CNTN4: variants seen among roughly 807,000 people sequenced by gnomAD.
The protein encoded by CNTN4 is contactin 4.
A neutral mutation model predicts 122.5 loss-of-function variants in CNTN4; 77 were observed. The ratio of observed to expected loss-of-function variants is 0.63; its 90% CI spans 0.52 to 0.76. The LOEUF is 0.76. Among genes scored for constraint, CNTN4 ranks in the 30% least tolerant of loss-of-function variants. The pLI, the probability that CNTN4 is intolerant of heterozygous loss-of-function variation, is 0.00. For missense variants in CNTN4, 1,256 were observed against 1,259.1 expected, an observed-to-expected ratio of 1.00 and a Z score of 0.04; for synonymous variants, 512 against 447.0, an observed-to-expected ratio of 1.15 and a Z score of -1.83.
chr3:2,298,045 A>G (rs1026235267), intron 2 of CNTN4, among the ~76,000 whole-genome samples: 3 of 152,166 alleles, frequency 2.0e-5, no homozygotes, highest in African/African-American at 7.2e-5. Flanking sequence ...TGTTATGTTA[A>G]GTGAAGAATA....
chr3:2,430,838 G>C lies in CNTN4; in HGVS notation c.-89+91605G>C, dbSNP rs535992752. 6.6e-5 allele frequency among the ~76,000 whole-genome samples: 10 copies of C among 152,224 alleles called. No homozygotes were observed. In the South Asian group the frequency reaches 1.2e-3, roughly 19 times the overall value. On this transcript the variant is annotated intron_variant, in intron 3 of 24. Transcript: ENST00000418658. ...TTTCATCACCCTGGGGCACAAGATA[G>C]CTCAAGAAGACAGATGTGCTCAAAT...
chr3:2,377,628 A>T (rs1163509256), intron 3 of CNTN4, among the ~76,000 whole-genome samples: 1 of 152,222 alleles, frequency 6.6e-6, no homozygotes, highest in Non-Finnish European at 1.5e-5. Context: ...AGTAAAACTG[A>T]AGATACCCGG....
chr3:2,504,655 T>C (rs2076685144), intron 3 of CNTN4, among the ~76,000 whole-genome samples: 1 of 152,042 alleles, frequency 6.6e-6, no homozygotes, highest in Non-Finnish European at 1.5e-5. Flanking sequence ...CCAAATATTA[T>C]TGACAAGTTA....
chr3:2,183,036 A>C (rs145272170), intron 2 of CNTN4, among the ~76,000 whole-genome samples: 128 of 152,128 alleles, frequency 8.4e-4, no homozygotes, highest in African/African-American at 2.8e-3. Flanking sequence ...ATCTTCTCTG[A>C]AGAAGATTCT....
intron 13 of CNTN4, among the ~76,000 whole-genome samples, chr3:2,980,247 C>A (rs1693835253): frequency 6.6e-6 from 1 of 152,188 alleles, no homozygotes; most frequent in Non-Finnish European, 1.5e-5. Context: ...AATTAGATGA[C>A]CTCTTTTCAT....
intron 4 of CNTN4, among the ~76,000 whole-genome samples, chr3:2,575,647 C>T (rs2079630277): frequency 1.3e-5 from 2 of 152,114 alleles, no homozygotes; most frequent in African/African-American, 4.8e-5. Flanking sequence ...TAAATCTGTG[C>T]TCAAATGTCA....
chr3:2,498,073 T>C (rs937868901), intron 3 of CNTN4, among the ~76,000 whole-genome samples: 3 of 152,210 alleles, frequency 2.0e-5, no homozygotes, highest in Admixed American at 2.0e-4. Flanking sequence ...TATATCATGA[T>C]ATAATATATG....
intron 2 of CNTN4, among the ~76,000 whole-genome samples, chr3:2,329,521 G>A (rs2043629604): frequency 7.0e-6 from 1 of 143,500 alleles, no homozygotes; most frequent in Admixed American, 7.3e-5. Context: ...ATATCCCTGT[G>A]TAATTAACCC....
intron 4 of CNTN4, among the ~76,000 whole-genome samples, chr3:2,649,830 C>A (rs1409171346): frequency 6.6e-6 from 1 of 151,734 alleles, no homozygotes; most frequent in Non-Finnish European, 1.5e-5. Flanking sequence ...ATCCCAGATG[C>A]CATTAAGAAA....
chr3:2,824,128 A>G (rs2092934712), intron 7 of CNTN4, among the ~76,000 whole-genome samples: 1 of 149,140 alleles, frequency 6.7e-6, no homozygotes, highest in Admixed American at 6.8e-5. Flanking sequence ...TTCCGATTCC[A>G]TAAATCTGGG....
At chr3:2,703,422 A>G (rs1355603202) in intron 4 of CNTN4, among the ~76,000 whole-genome samples, 2 of 152,196 alleles carry the variant, frequency 1.3e-5, no homozygotes, top group African/African-American at 4.8e-5. Flanking sequence ...TTTGATTTTT[A>G]TAAGACATGT....
intron 4 of CNTN4, among the ~76,000 whole-genome samples, chr3:2,577,404 G>A (rs1385499837): frequency 1.3e-5 from 2 of 152,188 alleles, no homozygotes; most frequent in Non-Finnish European, 2.9e-5. Context: ...CCACTGTGTA[G>A]TTATATCTAT....
chr3:2,290,664 G>A (rs2042100181), intron 2 of CNTN4, among the ~76,000 whole-genome samples: 1 of 152,150 alleles, frequency 6.6e-6, no homozygotes, highest in South Asian at 2.1e-4. Context: ...GCTACACAGG[G>A]TCTTAGAGCA....
At chr3:2,553,948 T>A (rs1208427707) in intron 3 of CNTN4, among the ~76,000 whole-genome samples, 1 of 152,188 alleles carries the variant, frequency 6.6e-6, no homozygotes, top group East Asian at 1.9e-4. Context: ...ATGCTCATTT[T>A]TACCAGGAGT....
At chr3:2,349,947 G>A (rs1367186959) in intron 3 of CNTN4, among the ~76,000 whole-genome samples, 1 of 152,098 alleles carries the variant, frequency 6.6e-6, no homozygotes, top group East Asian at 1.9e-4. Context: ...ACAACAGGAT[G>A]ATATTAACAT....
At chr3:2,570,994 G>T (rs2079397654) in intron 3 of CNTN4, among the ~76,000 whole-genome samples, 1 of 152,114 alleles carries the variant, frequency 6.6e-6, no homozygotes, top group South Asian at 2.1e-4. Context: ...TGGAAAAATT[G>T]GGAATTTCTA....
chr3:2,121,522 G>C (rs72622118), intron 2 of CNTN4, among the ~76,000 whole-genome samples: 7 of 150,990 alleles, frequency 4.6e-5, no homozygotes, highest in African/African-American at 1.5e-4. Flanking sequence ...AAATGAAGTT[G>C]TGTGCACGGG....
chr3:2,387,269 T>G (rs35498050), intron 3 of CNTN4, among the ~76,000 whole-genome samples: 1 of 152,102 alleles, frequency 6.6e-6, no homozygotes, highest in East Asian at 1.9e-4. Context: ...AAGGGTTCTT[T>G]ACAAAGTATT....
intron 2 of CNTN4, among the ~76,000 whole-genome samples, chr3:2,175,999 A>C (rs2036732348): frequency 6.6e-6 from 1 of 152,192 alleles, no homozygotes; most frequent in Non-Finnish European, 1.5e-5. Context: ...GGTTTATTCC[A>C]TGTATGTGAA....
Sources: gnomAD v4.1 joint callset for allele counts (sites outside exome capture counted in the v4.1 genomes callset) on GRCh38, gnomAD v4.1.1 for gene constraint, MANE v1.5 for transcripts, NCBI Gene and HGNC (gene_info 2026-07-23, HGNC 2026-07-21) for gene names.